ZER1: variants seen among roughly 807,000 people sequenced by gnomAD.
ZER1 encodes the protein protein zer-1 homolog.
ZER1 carries 11 observed loss-of-function variants against 78.8 expected under a neutral mutation model. The ratio of observed to expected loss-of-function variants is 0.14; its 90% CI spans 0.09 to 0.23. ZER1 has a LOEUF of 0.23. Ranked by LOEUF, ZER1 falls within the 10% of genes least tolerant of loss-of-function variation. ZER1 has a pLI of 1.00. For missense variants in ZER1, 588 were observed against 996.9 expected (o/e 0.59, Z 5.52); for synonymous variants, 400 against 407.0 (o/e 0.98, Z 0.21).
intron 1 of ZER1, among the ~76,000 whole-genome samples, chr9:128,757,142 G>T (rs1452605293): frequency 6.6e-6 from 1 of 152,174 alleles, no homozygotes; most frequent in African/African-American, 2.4e-5. Flanking sequence ...ATATCTTTAT[G>T]ACTTTAGGCA....
Position 128,740,232 on chromosome 9 carries a change from TC to T in ZER1, c.1854-114del. The T allele has an allele frequency of 9.4e-7, 1 of 1,064,368 alleles. No homozygotes were observed. The highest frequency in any genetic ancestry group is 1.3e-6 in the Non-Finnish European group (1 of 742,696). 65.9% of individuals were successfully genotyped at this position (1,064,368 alleles called of 1,614,324 possible). Reference sequence around the variant, plus strand: ...GCAAGAGGTGCTACTTATTTCTTTATCCCATATCGTCTATATACCCAGACTA... The same window carrying T: ...GCAAGAGGTGCTACTTATTTCTTTATCCATATCGTCTATATACCCAGACTA... On this transcript the variant is annotated intron_variant, in intron 12 of 15. Coordinates refer to ENST00000291900, the MANE Select transcript of ZER1 (RefSeq NM_006336.4). The surrounding 1 kb of genome is among the most constrained non-coding windows in gnomAD (Gnocchi z 4.4).
At position 128,755,523 on chromosome 9, in the gene ZER1, C is replaced by A; in HGVS notation, c.43G>T (p.Asp15Tyr). 1 of 1,613,976 alleles carries A rather than the reference C, an allele frequency of 6.2e-7. No homozygotes were observed. The highest frequency in any genetic ancestry group is 8.5e-7 in the Non-Finnish European group (1 of 1,180,010). ...CCATCCAGGTTGCGCAAGCAGAAGT[C>A]AGTACAGAGGGCCATCAGCGACTCG... is the stretch of plus-strand genomic sequence containing the variant. ...TPESLMALCT[D>Y]FCLRNLDGTL... is the part of the protein sequence containing the mutation. The change falls in exon 2 of 16, where the codon GAC (aspartate) becomes TAC (tyrosine). Residue 15 changes from aspartate to tyrosine, a missense_variant. This residue lies in a region of ZER1 where 406 missense variants were observed against 660.1 expected (regional missense o/e 0.62). Coordinates refer to ENST00000291900, the MANE Select transcript of ZER1 (RefSeq NM_006336.4). This position sits in a 1 kb window ranked among gnomAD's most constrained non-coding sequence, Gnocchi z 5.6.
Position 128,751,121 on chromosome 9 carries a change from C to T in ZER1, c.1185+1G>A. ...GCCAAGGCCCCAGGCTTGGAGCTGA[C>T]CTTCAGGGCCCGCAGCAGCTGGTTG... On this transcript the variant is annotated splice_donor_variant, in intron 7 of 15. Transcript: ENST00000291900. LOFTEE classifies it high-confidence loss of function. This position sits in a 1 kb window ranked among gnomAD's most constrained non-coding sequence, Gnocchi z 5.4. 6.3e-7 allele frequency: 1 copy of T among 1,586,656 alleles called. No homozygotes were observed. Among genetic ancestry groups the T allele is most frequent in the Non-Finnish European group, 8.6e-7 (1 of 1,162,006 alleles).
chr9:128,761,994 C>A (rs571647450), intron 1 of ZER1, among the ~76,000 whole-genome samples: 2 of 152,278 alleles, frequency 1.3e-5, no homozygotes, highest in Admixed American at 6.5e-5. Flanking sequence ...TCCCTCACAT[C>A]TCTTAGAGCA....
Position 128,755,231 on chromosome 9 carries a change from T to A in ZER1, c.158+177A>T, listed in dbSNP as rs567903713. Among the ~76,000 whole-genome samples, 2 of 151,908 alleles carry A rather than the reference T, an allele frequency of 1.3e-5. No individual in the cohort carries two copies. Among genetic ancestry groups the A allele is most frequent in the Admixed American group, 6.6e-5 (1 of 15,222 alleles). On this transcript the variant is annotated intron_variant, in intron 2 of 15. Transcript: ENST00000291900. The surrounding 1 kb of genome is among the most constrained non-coding windows in gnomAD (Gnocchi z 5.6). ...CACCAACACACACACATATACACCT[T>A]TACGGTTATGGATACACCACTATTC...
At chr9:128,764,418 A>C (rs1455011979) in intron 1 of ZER1, among the ~76,000 whole-genome samples, 1 of 152,120 alleles carries the variant, frequency 6.6e-6, no homozygotes, top group Non-Finnish European at 1.5e-5. Context: ...CCTTTTCTGC[A>C]GGTCTGAGCC....
intron 1 of ZER1, among the ~76,000 whole-genome samples, chr9:128,760,226 G>A (rs921759975): frequency 4.0e-5 from 6 of 150,414 alleles, no homozygotes; most frequent in East Asian, 2.0e-4. Flanking sequence ...TTTTTGAGAC[G>A]GAGTCTTGTT....
At chr9:128,756,104 T>C (rs1344500178) in intron 1 of ZER1, among the ~76,000 whole-genome samples, 1 of 152,186 alleles carries the variant, frequency 6.6e-6, no homozygotes, top group East Asian at 1.9e-4. Context: ...TGGTGTCTGA[T>C]TAAAAATGAA....
At chr9:128,739,907 C>T in intron 13 of ZER1, 24 bp downstream of exon 13, 1 of 1,594,438 alleles carries the variant, frequency 6.3e-7, no homozygotes, top group Non-Finnish European at 8.6e-7. Context: ...CACACCGCAT[C>T]CCCGCTCCCT....
chr9:128,751,380 C>G lies in ZER1; in HGVS notation c.1038+33G>C. 6.2e-7 allele frequency: 1 copy of G among 1,613,858 alleles called. No homozygotes were observed. The highest frequency in any genetic ancestry group is 8.5e-7 in the Non-Finnish European group (1 of 1,179,792). The stretch of plus-strand genomic sequence containing the variant: ...AGCTCCTTCTCTCTCCCAAGGCTCC[C>G]TGGCCCAGACCCATCCCACTTCCAC... On this transcript the variant is annotated intron_variant, in intron 6 of 15. Transcript: ENST00000291900. This position sits in a 1 kb window ranked among gnomAD's most constrained non-coding sequence, Gnocchi z 5.4.
In ZER1 at chr9:128,750,878, G is replaced by C. The variant is rs76014029; in HGVS notation, c.1186-89C>G. The C allele has an allele frequency of 2.9e-4, 454 of 1,551,068 alleles. 1 individual carries two copies. The African/African-American group carries it at 5.1e-3, about 17-fold the overall frequency. On this transcript the variant is annotated intron_variant, in intron 7 of 15. Coordinates refer to ENST00000291900, the MANE Select transcript of ZER1 (RefSeq NM_006336.4). Reference sequence around the variant, plus strand: ...GCTGGAACAGGCTCTCTGGGGCAAGGTTTAGCCTGGTCTTGCTCTCTAAAG... The same window carrying C: ...GCTGGAACAGGCTCTCTGGGGCAAGCTTTAGCCTGGTCTTGCTCTCTAAAG...
chr9:128,759,135 T>C (rs537999194), intron 1 of ZER1, among the ~76,000 whole-genome samples: 1 of 152,128 alleles, frequency 6.6e-6, no homozygotes, highest in African/African-American at 2.4e-5. Flanking sequence ...TAGCTGGGAT[T>C]ACAGGCATGG....
At chr9:128,746,700 A>G (rs1313065116) in intron 8 of ZER1, among the ~76,000 whole-genome samples, 1 of 151,600 alleles carries the variant, frequency 6.6e-6, no homozygotes, top group Non-Finnish European at 1.5e-5. Flanking sequence ...CAATGGTACC[A>G]TCTCGGCTCA....
intron 1 of ZER1, among the ~76,000 whole-genome samples, chr9:128,761,851 G>A (rs1389315470): frequency 2.6e-5 from 4 of 152,098 alleles, no homozygotes; most frequent in Non-Finnish European, 2.9e-5. Context: ...TGATCCGCCC[G>A]CCTCAGCCTC....
chr9:128,764,931 T>A (rs1299719504), intron 1 of ZER1, among the ~76,000 whole-genome samples: 1 of 151,852 alleles, frequency 6.6e-6, no homozygotes, highest in Admixed American at 6.6e-5. Context: ...ATGAAGGAAG[T>A]GGGAGAGAAG....
At position 128,731,150 on chromosome 9, in the gene ZER1, AAAT is replaced by A; in HGVS notation, c.*184_*186del. The A allele has an allele frequency of 8.0e-6, 2 of 249,440 alleles. No homozygotes were observed. The highest frequency in any genetic ancestry group is 2.3e-5 in the African/African-American group (1 of 44,062). The allele number at this position is 249,440 out of a possible 1,614,324, so 15.5% of individuals were successfully genotyped here. ...ACTTCACACTTCCTAACCAAAAAAA[AAAT>A]ATATATATATAATATATATATATCT... On this transcript the variant is annotated 3_prime_UTR_variant, in exon 16 of 16. Coordinates refer to ENST00000291900, the MANE Select transcript of ZER1 (RefSeq NM_006336.4).
intron 13 of ZER1, among the ~76,000 whole-genome samples, chr9:128,739,278 G>A (rs964358314): frequency 2.6e-5 from 4 of 151,660 alleles, no homozygotes; most frequent in South Asian, 2.1e-4. Flanking sequence ...CGACGTGGGC[G>A]GATCACGAGG....
In ZER1 at chr9:128,751,413, T is replaced by G. The variant is rs1259083739; in HGVS notation, c.1038A>C (p.Lys346Asn). ...GACCCATCCCACTTCCACTGCTCAC[T>G]TTGTAGGCTGGAATGTGCGTGAGGC... ...LCRLTHIPAY[K>N]VSGDKNEEQV... Residue 346 changes from lysine to asparagine, a missense_variant and splice_region_variant, in exon 6 of 16, where the codon AAA (lysine) becomes AAC (asparagine). This residue lies in a region of ZER1 where 406 missense variants were observed against 660.1 expected (regional missense o/e 0.62). Transcript: ENST00000291900. The surrounding 1 kb of genome is among the most constrained non-coding windows in gnomAD (Gnocchi z 5.4). The G allele has an allele frequency of 1.9e-6, 3 of 1,614,044 alleles. No individual in the cohort carries two copies. The Admixed American group carries it at 5.0e-5, about 27-fold the overall frequency.
At chr9:128,734,172 A>C (rs1862970590) in intron 14 of ZER1, among the ~76,000 whole-genome samples, 1 of 62,582 alleles carries the variant, frequency 1.6e-5, no homozygotes, top group African/African-American at 4.4e-5. Context: ...TAAAATCTTA[A>C]AAAAAATATA....
Sources: allele counts gnomAD v4.1 joint callset (sites outside exome capture counted in the v4.1 genomes callset), GRCh38; gene constraint gnomAD v4.1.1; regional missense constraint gnomAD v4.1.1; non-coding constraint Gnocchi (gnomAD v3.1); transcripts MANE v1.5; gene names NCBI Gene and HGNC (gene_info 2026-07-23, HGNC 2026-07-21).